IGF1R: variants seen among roughly 807,000 people sequenced by gnomAD.
IGF1R encodes the protein insulin-like growth factor 1 receptor.
IGF1R carries 44 observed loss-of-function variants against 144.6 expected under a neutral mutation model. The observed-to-expected ratio is 0.30, with a 90% CI of 0.24 to 0.39. The LOEUF is 0.39. Ranked by LOEUF, IGF1R falls within the 10% of genes least tolerant of loss-of-function variation. The probability of loss-of-function intolerance (pLI) is 1.00; values close to 1 mark genes in which losing one functional copy is unlikely to be tolerated. For synonymous variants in IGF1R, 795 were observed against 722.8 expected (o/e 1.10, Z -1.60); for missense variants, 1,355 against 1,833.7 (o/e 0.74, Z 4.77).
At chr15:98,678,674 C>T (rs754390996) in intron 1 of IGF1R, among the ~76,000 whole-genome samples, 3 of 150,930 alleles carry the variant, frequency 2.0e-5, no homozygotes, top group South Asian at 2.1e-4. Flanking sequence ...CCGCCACACC[C>T]GGCTAATTTT....
intron 2 of IGF1R, among the ~76,000 whole-genome samples, chr15:98,744,552 G>A (rs1478865879): frequency 6.6e-6 from 1 of 152,022 alleles, no homozygotes; most frequent in African/African-American, 2.4e-5. Flanking sequence ...TGTGGATCTT[G>A]TTTTCCCCAA....
chr15:98,743,135 C>T (rs574868857), intron 2 of IGF1R, among the ~76,000 whole-genome samples: 40 of 152,050 alleles, frequency 2.6e-4, no homozygotes, highest in Non-Finnish European at 5.1e-4. Flanking sequence ...CTAATGTGTT[C>T]TAACTTTTGA....
chr15:98,877,982 C>T (rs1442389627), intron 2 of IGF1R, among the ~76,000 whole-genome samples: 1 of 152,200 alleles, frequency 6.6e-6, no homozygotes, highest in East Asian at 1.9e-4. Flanking sequence ...AAACATTGCA[C>T]CTTTTGGACT....
At chr15:98,885,920 G>A (rs751506185) in intron 2 of IGF1R, among the ~76,000 whole-genome samples, 5 of 150,950 alleles carry the variant, frequency 3.3e-5, no homozygotes, top group Admixed American at 6.6e-5. Flanking sequence ...GGGTTCAAAC[G>A]ATTCTCCTGC....
intron 2 of IGF1R, among the ~76,000 whole-genome samples, chr15:98,844,786 C>G (rs983815533): frequency 1.3e-5 from 2 of 152,040 alleles, no homozygotes. Context: ...TTAAGTGAAT[C>G]AATGGGAACT....
chr15:98,833,410 G>T (rs139585375), intron 2 of IGF1R, among the ~76,000 whole-genome samples: 1 of 152,172 alleles, frequency 6.6e-6, no homozygotes, highest in East Asian at 1.9e-4. Context: ...TTTGTTCCAC[G>T]TAAGCCCCCG....
intron 2 of IGF1R, among the ~76,000 whole-genome samples, chr15:98,876,857 A>C (rs949033771): frequency 2.6e-5 from 4 of 152,236 alleles, no homozygotes; most frequent in Admixed American, 1.3e-4. Context: ...ATCCTGGATA[A>C]GAGTTTACTT....
intron 13 of IGF1R, among the ~76,000 whole-genome samples, chr15:98,927,905 C>T (rs1289181715): frequency 6.6e-6 from 1 of 152,118 alleles, no homozygotes. Context: ...TGTATTTGGA[C>T]GTCCCAGAGA....
At chr15:98,936,001 CT>C (rs2016131633) in intron 17 of IGF1R, among the ~76,000 whole-genome samples, 2 of 152,326 alleles carry the variant, frequency 1.3e-5, no homozygotes, top group African/African-American at 4.8e-5. Context: ...GATTCTTGCC[CT>C]TGCATCTGGG....
intron 3 of IGF1R, 23 bp from the exon 4 acceptor site, chr15:98,896,734 A>G (rs2151652020): frequency 6.5e-7 from 1 of 1,543,076 alleles, no homozygotes; most frequent in Non-Finnish European, 8.9e-7. Context: ...TGTGTTTTTG[A>G]TTTTTTTTTT....
At chr15:98,921,864 C>G in intron 10 of IGF1R, among the ~76,000 whole-genome samples, 1 of 151,960 alleles carries the variant, frequency 6.6e-6, no homozygotes, top group East Asian at 1.9e-4. Flanking sequence ...ACTGCCTGGC[C>G]AAGAGTGGCA....
intron 2 of IGF1R, among the ~76,000 whole-genome samples, chr15:98,753,985 GCCTT>G (rs1483678575): frequency 6.6e-6 from 1 of 152,288 alleles, no homozygotes; most frequent in African/African-American, 2.4e-5. Context: ...CAGGGCTCCA[GCCTT>G]CCTTCCAGCC....
In IGF1R at chr15:98,963,742, AG is replaced by A. The variant is rs572634871; in HGVS notation, c.*6301del. ...TTACTGCTTTGTTAGAACACAGAAG[AG>A]ACCCTATTTTATTTAAGGCAGAACC... On this transcript the variant is annotated 3_prime_UTR_variant, in exon 21 of 21. Transcript: ENST00000650285. The A allele has an allele frequency of 5.6e-5, 13 of 233,128 alleles. No homozygotes were observed. The highest frequency in any genetic ancestry group is 9.3e-5 in the Non-Finnish European group (11 of 118,010). The allele number at this position is 233,128 out of a possible 1,614,324, so 14.4% of individuals were successfully genotyped here.
At chr15:98,871,781 C>T (rs1224077321) in intron 2 of IGF1R, among the ~76,000 whole-genome samples, 1 of 152,188 alleles carries the variant, frequency 6.6e-6, no homozygotes, top group African/African-American at 2.4e-5. Context: ...AGTTAGCTCC[C>T]GGCGGGTCCC....
In IGF1R at chr15:98,962,629, G is replaced by C. The variant is rs576763655; in HGVS notation, c.*5187G>C. ...AGTGCTCCTTGATGGTGGAATGACC[G>C]GGTGGTGGGTACAGAACCATTGTCA... On this transcript the variant is annotated 3_prime_UTR_variant, in exon 21 of 21. Coordinates refer to ENST00000650285, the MANE Select transcript of IGF1R (RefSeq NM_000875.5). 1 of 233,704 alleles carries C rather than the reference G, an allele frequency of 4.3e-6. No individual in the cohort carries two copies. The highest frequency in any genetic ancestry group is 2.2e-5 in the African/African-American group (1 of 45,350). 14.5% of individuals were successfully genotyped at this position (233,704 alleles called of 1,614,324 possible).
chr15:98,760,343 C>G (rs1162501328), intron 2 of IGF1R, among the ~76,000 whole-genome samples: 1 of 149,512 alleles, frequency 6.7e-6, no homozygotes, highest in African/African-American at 2.5e-5. Context: ...CAGAGAGAGA[C>G]TGCCTCAAAA....
At chr15:98,726,838 G>C (rs2054374257) in intron 2 of IGF1R, among the ~76,000 whole-genome samples, 1 of 150,290 alleles carries the variant, frequency 6.7e-6, no homozygotes, top group Admixed American at 6.7e-5. Context: ...TCCTGCCTCA[G>C]CCTCCTGAGT....
intron 2 of IGF1R, among the ~76,000 whole-genome samples, chr15:98,774,997 G>A (rs1474405056): frequency 6.6e-6 from 1 of 152,124 alleles, no homozygotes; most frequent in African/African-American, 2.4e-5. Context: ...TCTCCAGCTG[G>A]GCAGTCCCAG....
chr15:98,735,179 G>A (rs1227015389), intron 2 of IGF1R, among the ~76,000 whole-genome samples: 1 of 152,156 alleles, frequency 6.6e-6, no homozygotes, highest in Non-Finnish European at 1.5e-5. Context: ...TTTCAGTCCA[G>A]GTAGGGTTTT....
Sources: allele counts gnomAD v4.1 joint callset (sites outside exome capture counted in the v4.1 genomes callset), GRCh38; gene constraint gnomAD v4.1.1; transcripts MANE v1.5; gene names NCBI Gene and HGNC (gene_info 2026-07-23, HGNC 2026-07-21).